MEF2A: variants seen among roughly 807,000 people sequenced by gnomAD.
The protein encoded by MEF2A is myocyte enhancer factor 2A.
In MEF2A, 28 loss-of-function variants were observed where a neutral mutation model predicts 55.8. The observed-to-expected ratio is 0.50, with a 90% confidence interval of 0.37 to 0.69. MEF2A has a LOEUF of 0.69. Ranked by LOEUF, MEF2A falls within the 30% of genes least tolerant of loss-of-function variation. The probability of loss-of-function intolerance (pLI) is 0.00; values close to 1 mark genes in which losing one functional copy is unlikely to be tolerated. For synonymous variants in MEF2A, 239 were observed against 227.1 expected, an observed-to-expected ratio of 1.05 and a Z score of -0.47; for missense variants, 528 against 626.2, an observed-to-expected ratio of 0.84 and a Z score of 1.67.
intron 4 of MEF2A, among the ~76,000 whole-genome samples, chr15:99,662,172 G>A (rs929059847): frequency 6.6e-6 from 1 of 152,100 alleles, no homozygotes; most frequent in Non-Finnish European, 1.5e-5. Context: ...GGGAGGAGAG[G>A]GTTATGGGAT....
In MEF2A at chr15:99,570,679, C is replaced by T. The variant is rs185786963; in HGVS notation, c.-225+4575C>T. On this transcript the variant is annotated intron_variant, in intron 1 of 11. Coordinates refer to ENST00000557942, the MANE Select transcript of MEF2A (RefSeq NM_001319206.4). ...TAACTTTTGGGCTTAATAAAACAAG[C>T]GGCTCTTGCATTGACTAATACTATA... Among the ~76,000 whole-genome samples the T allele has an allele frequency of 3.2e-3, 483 of 152,236 alleles. 10 individuals are homozygous for T. Among genetic ancestry groups the T allele is most frequent in the Non-Finnish European group, 1.8e-3 (123 of 68,004 alleles).
chr15:99,684,735 A>G (rs764989157), intron 7 of MEF2A, among the ~76,000 whole-genome samples: 2 of 151,970 alleles, frequency 1.3e-5, no homozygotes, highest in Non-Finnish European at 2.9e-5. Context: ...TCTTTGTCAT[A>G]TTTGCTTTTG....
rs1455120159 is a variant in MEF2A, at chr15:99,597,443, A to G, written c.-224-987A>G. Among the ~76,000 whole-genome samples, 3 of 152,288 alleles carry G rather than the reference A, an allele frequency of 2.0e-5. No individual in the cohort carries two copies. The East Asian group carries it at 5.8e-4, about 29-fold the overall frequency. Reference sequence around the variant, plus strand: ...TGATCTCAAAACCCTGTCTCCTGATAAGATGTTATCAGTGACAATGGTGCC... The same window carrying G: ...TGATCTCAAAACCCTGTCTCCTGATGAGATGTTATCAGTGACAATGGTGCC... On this transcript the variant is annotated intron_variant, in intron 1 of 11. Transcript: ENST00000557942.
chr15:99,603,722 T>C (rs1236686657), intron 2 of MEF2A, among the ~76,000 whole-genome samples: 7 of 152,160 alleles, frequency 4.6e-5, no homozygotes, highest in Non-Finnish European at 1.0e-4. Context: ...ATGTTTTGTG[T>C]GTACTTAAGA....
intron 11 of MEF2A, among the ~76,000 whole-genome samples, chr15:99,711,613 C>T (rs531746334): frequency 2.0e-5 from 3 of 152,290 alleles, no homozygotes; most frequent in African/African-American, 7.2e-5. Flanking sequence ...AGTAGGAATA[C>T]CCCAGGCCCC....
intron 2 of MEF2A, among the ~76,000 whole-genome samples, chr15:99,629,797 G>A (rs1432870506): frequency 3.9e-5 from 6 of 152,032 alleles, no homozygotes; most frequent in African/African-American, 7.2e-5. Context: ...AAAATTAGCC[G>A]GGCGTGGTGG....
At chr15:99,668,771 G>A (rs1452847358) in intron 4 of MEF2A, among the ~76,000 whole-genome samples, 1 of 152,144 alleles carries the variant, frequency 6.6e-6, no homozygotes, top group East Asian at 1.9e-4. Flanking sequence ...ATAGATTACG[G>A]CATTCCACTT....
At chr15:99,687,435 C>T (rs1371775386) in intron 7 of MEF2A, among the ~76,000 whole-genome samples, 1 of 151,998 alleles carries the variant, frequency 6.6e-6, no homozygotes, top group Non-Finnish European at 1.5e-5. Context: ...TTCTTTTTGG[C>T]TTTATACTAG....
chr15:99,682,829 T>A lies in MEF2A; in HGVS notation c.670+7371T>A, dbSNP rs143895081. On this transcript the variant is annotated intron_variant, in intron 7 of 11. Transcript: ENST00000557942. ...TGATGATGTGTGGCTCTGAATTATATATTTTTGTCTTTGAGAGGAAATTCT... is the reference window on the plus strand; with the variant it reads ...TGATGATGTGTGGCTCTGAATTATAAATTTTTGTCTTTGAGAGGAAATTCT... Among the ~76,000 whole-genome samples, 783 of 152,366 alleles carry A rather than the reference T, an allele frequency of 5.1e-3. 3 individuals carry two copies. The highest frequency in any genetic ancestry group is 0.025 in the South Asian group (121 of 4,832).
In MEF2A at chr15:99,645,506, C is replaced by T. The variant is rs1381704361; in HGVS notation, c.55-55C>T. ...GAAGAAGATTCATCTTCAGATAGCC[C>T]ATATTCAAGTACTACTAATGCTTTT... On this transcript the variant is annotated intron_variant, in intron 3 of 11. Transcript: ENST00000557942. 74 of 1,259,698 alleles carry T rather than the reference C, an allele frequency of 5.9e-5. No individual in the cohort carries two copies. The Admixed American group carries it at 1.2e-3, about 21-fold the overall frequency. 78.0% of individuals were successfully genotyped at this position (1,259,698 alleles called of 1,614,324 possible).
intron 3 of MEF2A, among the ~76,000 whole-genome samples, chr15:99,643,413 A>G (rs2045376043): frequency 6.6e-6 from 1 of 152,120 alleles, no homozygotes; most frequent in African/African-American, 2.4e-5. Flanking sequence ...TTTTGTTATA[A>G]TCTAATCTTC....
intron 8 of MEF2A, chr15:99,690,635 A>C: frequency 2.9e-6 from 2 of 688,372 alleles, no homozygotes; most frequent in Non-Finnish European, 5.3e-6. Context: ...ACAGTTACTT[A>C]AAATTAAAGC....
Position 99,712,533 on chromosome 15 carries a change from AGCAGCC to A in MEF2A, c.1283_1288del (p.Gln428_Pro429del), listed in dbSNP as rs747168853. The stretch of plus-strand genomic sequence containing the variant: ...CAGCAGCAGCAGCAGCAGCAGCAGC[AGCAGCC>A]GCCGCCACCACCGCAGCCCCAGCCA... On this transcript the variant is annotated inframe_deletion, in exon 12 of 12. Transcript: ENST00000557942. This position sits in a 1 kb window ranked among gnomAD's most constrained non-coding sequence, Gnocchi z 4.1. 230 of 1,381,044 alleles carry A rather than the reference AGCAGCC, an allele frequency of 1.7e-4. 1 individual carries two copies. Among genetic ancestry groups the A allele is most frequent in the East Asian group, 1.0e-3 (36 of 34,996 alleles). 85.5% of individuals were successfully genotyped at this position (1,381,044 alleles called of 1,614,324 possible). A position where few individuals can be genotyped will look rare whatever the true frequency, so the allele number is the denominator to read the frequency against.
chr15:99,642,754 A>C (rs1357837369), intron 3 of MEF2A, among the ~76,000 whole-genome samples: 2 of 152,232 alleles, frequency 1.3e-5, no homozygotes, highest in Non-Finnish European at 2.9e-5. Context: ...TGAATCTTGT[A>C]GCACTAATCA....
intron 4 of MEF2A, among the ~76,000 whole-genome samples, chr15:99,652,621 A>G (rs2047045783): frequency 6.6e-6 from 1 of 152,178 alleles, no homozygotes; most frequent in African/African-American, 2.4e-5. Flanking sequence ...AATAGCTAAG[A>G]CCTGAGAAGT....
chr15:99,687,695 T>C (rs2054562267), intron 7 of MEF2A, among the ~76,000 whole-genome samples: 1 of 152,254 alleles, frequency 6.6e-6, no homozygotes, highest in Admixed American at 6.5e-5. Context: ...TTATCAGTGC[T>C]TTCTATTTCA....
intron 1 of MEF2A, among the ~76,000 whole-genome samples, chr15:99,570,269 A>C (rs1323859837): frequency 6.6e-6 from 1 of 152,168 alleles, no homozygotes; most frequent in African/African-American, 2.4e-5. Flanking sequence ...TAATTAATCA[A>C]ACTTCTAGTA....
At chr15:99,650,796 T>C (rs2046731947) in intron 4 of MEF2A, among the ~76,000 whole-genome samples, 1 of 152,222 alleles carries the variant, frequency 6.6e-6, no homozygotes, top group Admixed American at 6.5e-5. Context: ...TGTAGTGCCC[T>C]GACCAGCAGC....
chr15:99,598,935 C>G (rs528610387), intron 2 of MEF2A, among the ~76,000 whole-genome samples: 18 of 152,152 alleles, frequency 1.2e-4, no homozygotes, highest in African/African-American at 4.3e-4. Context: ...CTAGCCATAT[C>G]TCATGAAGCA....
Sources: gnomAD v4.1 joint callset for allele counts (sites outside exome capture counted in the v4.1 genomes callset) on GRCh38, gnomAD v4.1.1 for gene constraint, Gnocchi (gnomAD v3.1) non-coding constraint, MANE v1.5 for transcripts, NCBI Gene and HGNC (gene_info 2026-07-23, HGNC 2026-07-21) for gene names.